ATP6V1G2: variants seen among roughly 807,000 people sequenced by gnomAD.
The protein encoded by ATP6V1G2 is V-type proton ATPase subunit G 2.
Under a neutral mutation model 17.8 loss-of-function variants are expected in ATP6V1G2, and 14 were observed. That is an observed-to-expected ratio of 0.79 (90% CI 0.52 to 1.23). The LOEUF (loss-of-function observed/expected upper bound fraction) is 1.23. Among genes scored for constraint, ATP6V1G2 ranks in the 50% most tolerant of loss-of-function variants. The pLI, the probability that ATP6V1G2 is intolerant of heterozygous loss-of-function variation, is 0.00. For synonymous variants in ATP6V1G2, 57 were observed against 54.8 expected (o/e 1.04, Z -0.17); for missense variants, 112 against 152.2 (o/e 0.74, Z 1.39).
rs1768890765 is a variant in ATP6V1G2, at chr6:31,545,443, G to C, written c.322C>G (p.Pro108Ala). ...ATCCGGTAGTTGGGGTGGACCTGGG[G>C]CCTGACGTCGCAGACCATGCCAAGA... ...QLLGMVCDVR[P>A]QVHPNYRISA is the part of the protein sequence containing the mutation. Residue 108 changes from proline to alanine, a missense_variant, in exon 3 of 3, where the codon CCC becomes GCC. Transcript: ENST00000303892. This position sits in a 1 kb window ranked among gnomAD's most constrained non-coding sequence, Gnocchi z 4.9. The C allele has an allele frequency of 1.2e-6, 2 of 1,613,876 alleles. No homozygotes were observed. Among genetic ancestry groups the C allele is most frequent in the South Asian group, 2.2e-5 (2 of 91,038 alleles).
chr6:31,545,612 A>G lies in ATP6V1G2; in HGVS notation c.184-31T>C, dbSNP rs2150355154. On this transcript the variant is annotated intron_variant, in intron 2 of 2. Coordinates refer to ENST00000303892, the MANE Select transcript of ATP6V1G2 (RefSeq NM_130463.4). This position sits in a 1 kb window ranked among gnomAD's most constrained non-coding sequence, Gnocchi z 4.9. ...GGGTAGGGAGAGGGGTGGAAGAGAG[A>G]AAGGGAAAAGCAGAAACAGACAAGG... 6.2e-7 allele frequency: 1 copy of G among 1,606,266 alleles called. No individual in the cohort carries two copies. Among genetic ancestry groups the G allele is most frequent in the Middle Eastern group, 1.8e-4 (1 of 5,472 alleles).
At position 31,545,886 on chromosome 6, in the gene ATP6V1G2, C is replaced by T. The variant is rs1768943717; in HGVS notation, c.183+223G>A. ...TACTCCACATAGATGTTATACTTTACACAGACTGTGGCATTCCGCCCACAA... is the reference window on the plus strand; with the variant it reads ...TACTCCACATAGATGTTATACTTTATACAGACTGTGGCATTCCGCCCACAA... On this transcript the variant is annotated intron_variant, in intron 2 of 2. Transcript: ENST00000303892. This position sits in a 1 kb window ranked among gnomAD's most constrained non-coding sequence, Gnocchi z 4.9. The T allele has an allele frequency of 1.6e-6, 1 of 618,480 alleles. No individual in the cohort carries two copies. Among genetic ancestry groups the T allele is most frequent in the Non-Finnish European group, 2.9e-6 (1 of 349,270 alleles). The allele number at this position is 618,480 out of a possible 1,614,324, so 38.3% of individuals were successfully genotyped here. A position where few individuals can be genotyped will look rare whatever the true frequency, so the allele number is the denominator to read the frequency against.
In ATP6V1G2 at chr6:31,546,141, G is replaced by T. The variant is rs758603033; in HGVS notation, c.151C>A (p.Arg51=). 3.7e-6 allele frequency: 6 copies of T among 1,613,740 alleles called. No individual in the cohort carries two copies. Among genetic ancestry groups the T allele is most frequent in the Non-Finnish European group, 5.1e-6 (6 of 1,179,982 alleles). ...TGCTTGCTCTGGAATTCGTGCTCTC[G>T]CTCTCTGCGGTATTGCTCCACCTCC... ...QMEVEQYRRE[R]EHEFQSKQQA... Residue 51 remains arginine, a synonymous_variant, in exon 2 of 3, where the codon CGA becomes AGA. Transcript: ENST00000303892. This position sits in a 1 kb window ranked among gnomAD's most constrained non-coding sequence, Gnocchi z 4.1.
upstream of ATP6V1G2, chr6:31,546,734 C>T: frequency 1.6e-6 from 1 of 616,986 alleles, no homozygotes; most frequent in Non-Finnish European, 2.9e-6. This position sits in a 1 kb window ranked among gnomAD's most constrained non-coding sequence, Gnocchi z 4.1. Flanking sequence ...CCAATCTCAT[C>T]CTCCTATTGA....
In ATP6V1G2 at chr6:31,544,774, A is replaced by G. The variant is rs1362523789; in HGVS notation, c.*634T>C. On this transcript the variant is annotated 3_prime_UTR_variant, in exon 3 of 3. Transcript: ENST00000303892. ...CAGAAGGTCTCTGGGAAAAGAGAAGAACCAATTTTTCAGAAAATAACTAGG... is the reference window on the plus strand; with the variant it reads ...CAGAAGGTCTCTGGGAAAAGAGAAGGACCAATTTTTCAGAAAATAACTAGG... 2.2e-6 allele frequency: 1 copy of G among 456,496 alleles called. No homozygotes were observed. Among genetic ancestry groups the G allele is most frequent in the Non-Finnish European group, 4.4e-6 (1 of 226,928 alleles). 28.3% of individuals were successfully genotyped at this position (456,496 alleles called of 1,614,324 possible). A position where few individuals can be genotyped will look rare whatever the true frequency, so the allele number is the denominator to read the frequency against.
chr6:31,544,741 T>C lies in ATP6V1G2; in HGVS notation c.*667A>G, dbSNP rs386494125. 1.9e-4 allele frequency: 87 copies of C among 456,728 alleles called. No individual in the cohort carries two copies. Among genetic ancestry groups the C allele is most frequent in the Non-Finnish European group, 3.3e-4 (74 of 226,960 alleles). 28.3% of individuals were successfully genotyped at this position (456,728 alleles called of 1,614,324 possible). A position where few individuals can be genotyped will look rare whatever the true frequency, so the allele number is the denominator to read the frequency against. Reference sequence around the variant, plus strand: ...GGCTAAATGTAGTCATCTCCTCTTTTTGGAGATCAGAAGGTCTCTGGGAAA... The same window carrying C: ...GGCTAAATGTAGTCATCTCCTCTTTCTGGAGATCAGAAGGTCTCTGGGAAA... On this transcript the variant is annotated 3_prime_UTR_variant, in exon 3 of 3. Transcript: ENST00000303892.
rs768092948 is a variant in ATP6V1G2 at position 31,545,490 on chromosome 6, C to T, written c.275G>A (p.Arg92Gln). The change falls in exon 3 of 3, where the codon CGA becomes CAA. Residue 92 changes from arginine to glutamine, a missense_variant. By Grantham distance (43) the Arg-to-Gln change is conservative. Coordinates refer to ENST00000303892, the MANE Select transcript of ATP6V1G2 (RefSeq NM_130463.4). This position sits in a 1 kb window ranked among gnomAD's most constrained non-coding sequence, Gnocchi z 4.9. ...AAGAAGCTGGGCCAGGACACGCTCT[C>T]GGTTTCTCTGCTGGGAGCTCTGCAT... Reference protein sequence around the residue: ...QGMQSSQQRNRERVLAQLLGM... With the variant: ...QGMQSSQQRNQERVLAQLLGM... 4 of 1,613,926 alleles carry T rather than the reference C, an allele frequency of 2.5e-6. No individual in the cohort carries two copies. Among genetic ancestry groups the T allele is most frequent in the African/African-American group, 1.3e-5 (1 of 74,918 alleles).
Position 31,545,658 on chromosome 6 carries a change from A to G in ATP6V1G2, c.184-77T>C. The G allele has an allele frequency of 1.4e-6, 2 of 1,471,432 alleles. No individual in the cohort carries two copies. The highest frequency in any genetic ancestry group is 2.3e-5 in the Admixed American group (1 of 42,816). 91.1% of individuals were successfully genotyped at this position (1,471,432 alleles called of 1,614,324 possible). ...CAAGGGTCCAGGCATATGAGGGGAA[A>G]GATCCTGAAACAAAGCCTAGAAGAA... On this transcript the variant is annotated intron_variant, in intron 2 of 2. Transcript: ENST00000303892. The surrounding 1 kb of genome is among the most constrained non-coding windows in gnomAD (Gnocchi z 4.9).
Position 31,545,865 on chromosome 6 carries a change from CCA to C in ATP6V1G2, c.183+242_183+243del, listed in dbSNP as rs1306211552. The stretch of plus-strand genomic sequence containing the variant: ...CTCCACCACAAATGTTAATCATACT[CCA>C]CATAGATGTTATACTTTACACAGAC... On this transcript the variant is annotated intron_variant, in intron 2 of 2. Coordinates refer to ENST00000303892, the MANE Select transcript of ATP6V1G2 (RefSeq NM_130463.4). The surrounding 1 kb of genome is among the most constrained non-coding windows in gnomAD (Gnocchi z 4.9). 1.6e-6 allele frequency: 1 copy of C among 612,164 alleles called. No individual in the cohort carries two copies. The highest frequency in any genetic ancestry group is 2.9e-6 in the Non-Finnish European group (1 of 346,144). The allele number at this position is 612,164 out of a possible 1,614,324, so 37.9% of individuals were successfully genotyped here.
At chr6:31,546,685 C>G (rs1769028063), upstream of ATP6V1G2, 1 of 782,756 alleles carries the variant, frequency 1.3e-6, no homozygotes, top group Non-Finnish European at 2.2e-6. This position sits in a 1 kb window ranked among gnomAD's most constrained non-coding sequence, Gnocchi z 4.1. Context: ...GGTCTTAGTG[C>G]TCCCCTGCTC....
chr6:31,545,452 C>G lies in ATP6V1G2; in HGVS notation c.313G>C (p.Asp105His). 6.2e-7 allele frequency: 1 copy of G among 1,613,966 alleles called. No individual in the cohort carries two copies. The highest frequency in any genetic ancestry group is 8.5e-7 in the Non-Finnish European group (1 of 1,179,980). The stretch of plus-strand genomic sequence containing the variant: ...TTGGGGTGGACCTGGGGCCTGACGT[C>G]GCAGACCATGCCAAGAAGCTGGGCC... Reference protein sequence around the residue: ...VLAQLLGMVCDVRPQVHPNYR... With the variant: ...VLAQLLGMVCHVRPQVHPNYR... Residue 105 changes from aspartate (D) to histidine (H), a missense_variant, in exon 3 of 3, where the codon GAC becomes CAC. Physicochemically the swap from Asp to His is moderately conservative, Grantham distance 81. Coordinates refer to ENST00000303892, the MANE Select transcript of ATP6V1G2 (RefSeq NM_130463.4). The surrounding 1 kb of genome is among the most constrained non-coding windows in gnomAD (Gnocchi z 4.9).
chr6:31,546,302 C>G lies in ATP6V1G2; in HGVS notation c.83-93G>C. The stretch of plus-strand genomic sequence containing the variant: ...AGTCCCTTCCAGAAAGTTATACAGC[C>G]TTCTCTCAGCCAACCAGGTGCCAGA... On this transcript the variant is annotated intron_variant, in intron 1 of 2. Coordinates refer to ENST00000303892, the MANE Select transcript of ATP6V1G2 (RefSeq NM_130463.4). The surrounding 1 kb of genome is among the most constrained non-coding windows in gnomAD (Gnocchi z 4.1). The G allele has an allele frequency of 3.0e-6, 4 of 1,350,056 alleles. No homozygotes were observed. The highest frequency in any genetic ancestry group is 2.4e-5 in the South Asian group (2 of 84,776). 83.6% of individuals were successfully genotyped at this position (1,350,056 alleles called of 1,614,324 possible).
Position 31,545,392 on chromosome 6 carries a change from A to G in ATP6V1G2, c.*16T>C, listed in dbSNP as rs757853367. On this transcript the variant is annotated 3_prime_UTR_variant, in exon 3 of 3. Coordinates refer to ENST00000303892, the MANE Select transcript of ATP6V1G2 (RefSeq NM_130463.4). The surrounding 1 kb of genome is among the most constrained non-coding windows in gnomAD (Gnocchi z 4.9). ...AGGGAGGGAACTGGCAGAAGGAGTC[A>G]GGCCCTACGGTGGCCCTAGGCAGAA... 3 of 1,611,794 alleles carry G rather than the reference A, an allele frequency of 1.9e-6. No homozygotes were observed. The South Asian group carries it at 3.3e-5, about 18-fold the overall frequency.
chr6:31,545,455 A>C lies in ATP6V1G2; in HGVS notation c.310T>G (p.Cys104Gly), dbSNP rs759345533. ...RVLAQLLGMV[C>G]DVRPQVHPNY... is the part of the protein sequence containing the mutation. Reference sequence around the variant, plus strand: ...GGGTGGACCTGGGGCCTGACGTCGCAGACCATGCCAAGAAGCTGGGCCAGG... The same window carrying C: ...GGGTGGACCTGGGGCCTGACGTCGCCGACCATGCCAAGAAGCTGGGCCAGG... The change falls in exon 3 of 3, where the codon TGC becomes GGC. Residue 104 changes from cysteine to glycine, a missense_variant. By Grantham distance (159) the Cys-to-Gly change is radical (BLOSUM62 -3). Coordinates refer to ENST00000303892, the MANE Select transcript of ATP6V1G2 (RefSeq NM_130463.4). The surrounding 1 kb of genome is among the most constrained non-coding windows in gnomAD (Gnocchi z 4.9). 1 of 1,614,058 alleles carries C rather than the reference A, an allele frequency of 6.2e-7. No individual in the cohort carries two copies. The highest frequency in any genetic ancestry group is 8.5e-7 in the Non-Finnish European group (1 of 1,179,994).
rs1768962101 is a variant in ATP6V1G2 at position 31,546,099 on chromosome 6, C to T, written c.183+10G>A. The T allele has an allele frequency of 6.2e-7, 1 of 1,613,962 alleles. No individual in the cohort carries two copies. Among genetic ancestry groups the T allele is most frequent in the East Asian group, 2.2e-5 (1 of 44,862 alleles). On this transcript the variant is annotated intron_variant, in intron 2 of 2. Coordinates refer to ENST00000303892, the MANE Select transcript of ATP6V1G2 (RefSeq NM_130463.4). This position sits in a 1 kb window ranked among gnomAD's most constrained non-coding sequence, Gnocchi z 4.1. ...CAGTGGGGTCTCAACCCGACTCTGC[C>T]TCAACTCACCGCCTGCTGCTTGCTC...
chr6:31,546,348 T>C lies in ATP6V1G2; in HGVS notation c.82+130A>G. On this transcript the variant is annotated intron_variant, in intron 1 of 2. Coordinates refer to ENST00000303892, the MANE Select transcript of ATP6V1G2 (RefSeq NM_130463.4). The surrounding 1 kb of genome is among the most constrained non-coding windows in gnomAD (Gnocchi z 4.1). The stretch of plus-strand genomic sequence containing the variant: ...CCAGATTCTAATATCCATCCATTTC[T>C]TCCCTCCTAACCAGCCTCCAGACCC... 1 of 1,269,802 alleles carries C rather than the reference T, an allele frequency of 7.9e-7. No individual in the cohort carries two copies. The highest frequency in any genetic ancestry group is 1.1e-6 in the Non-Finnish European group (1 of 903,192). 78.7% of individuals were successfully genotyped at this position (1,269,802 alleles called of 1,614,324 possible). A position where few individuals can be genotyped will look rare whatever the true frequency, so the allele number is the denominator to read the frequency against.
In ATP6V1G2 at chr6:31,545,007, C is replaced by T. The variant is rs574677259; in HGVS notation, c.*401G>A. ...ACCCTCACAAGGTAGGCATTATTAT[C>T]ATCCCAGTTTCACAGAGGAGGACAT... On this transcript the variant is annotated 3_prime_UTR_variant, in exon 3 of 3. Transcript: ENST00000303892. This position sits in a 1 kb window ranked among gnomAD's most constrained non-coding sequence, Gnocchi z 4.9. The T allele has an allele frequency of 5.8e-4, 210 of 361,474 alleles. 1 individual carries two copies. Among genetic ancestry groups the T allele is most frequent in the African/African-American group, 3.7e-3 (179 of 47,966 alleles). 22.4% of individuals were successfully genotyped at this position (361,474 alleles called of 1,614,324 possible).
Position 31,545,646 on chromosome 6 carries a change from A to G in ATP6V1G2, c.184-65T>C. 1 of 1,520,834 alleles carries G rather than the reference A, an allele frequency of 6.6e-7. No individual in the cohort carries two copies. Among genetic ancestry groups the G allele is most frequent in the Non-Finnish European group, 8.9e-7 (1 of 1,127,064 alleles). 94.2% of individuals were successfully genotyped at this position (1,520,834 alleles called of 1,614,324 possible). A position where few individuals can be genotyped will look rare whatever the true frequency, so the allele number is the denominator to read the frequency against. On this transcript the variant is annotated intron_variant, in intron 2 of 2. Coordinates refer to ENST00000303892, the MANE Select transcript of ATP6V1G2 (RefSeq NM_130463.4). The surrounding 1 kb of genome is among the most constrained non-coding windows in gnomAD (Gnocchi z 4.9). ...AGCAGAAACAGACAAGGGTCCAGGC[A>G]TATGAGGGGAAAGATCCTGAAACAA...
rs1768968778 is a variant in ATP6V1G2, at chr6:31,546,147, T to C, written c.145A>G (p.Arg49Gly). The C allele has an allele frequency of 6.2e-7, 1 of 1,614,096 alleles. No homozygotes were observed. The stretch of plus-strand genomic sequence containing the variant: ...CTCTGGAATTCGTGCTCTCGCTCTC[T>C]GCGGTATTGCTCCACCTCCATCTGT... Reference protein sequence around the residue: ...EAQMEVEQYRREREHEFQSKQ... With the variant: ...EAQMEVEQYRGEREHEFQSKQ... Residue 49 changes from arginine to glycine, a missense_variant, in exon 2 of 3, where the codon AGA becomes GGA. Physicochemically the swap from Arg to Gly is moderately radical, Grantham distance 125. Coordinates refer to ENST00000303892, the MANE Select transcript of ATP6V1G2 (RefSeq NM_130463.4). This position sits in a 1 kb window ranked among gnomAD's most constrained non-coding sequence, Gnocchi z 4.1.
Sources: gnomAD v4.1 joint callset for allele counts on GRCh38, gnomAD v4.1.1 for gene constraint, Gnocchi (gnomAD v3.1) non-coding constraint, MANE v1.5 for transcripts, NCBI Gene and HGNC (gene_info 2026-07-23, HGNC 2026-07-21) for gene names.